MYT1L: variants seen among roughly 807,000 people sequenced by gnomAD.
The protein encoded by MYT1L is myelin transcription factor 1-like protein.
Under a neutral mutation model 126.7 loss-of-function variants are expected in MYT1L, and 12 were observed. The ratio of observed to expected loss-of-function variants is 0.09; its 90% CI spans 0.06 to 0.15. The LOEUF (loss-of-function observed/expected upper bound fraction) is 0.15, where lower values mean the gene tolerates loss of function less well. MYT1L is among the 10% of genes least tolerant of loss of function. The probability of loss-of-function intolerance (pLI) is 1.00; values close to 1 mark genes in which losing one functional copy is unlikely to be tolerated. For synonymous variants in MYT1L, 541 were observed against 604.2 expected, an observed-to-expected ratio of 0.90 and a Z score of 1.53; for missense variants, 979 against 1,585.2, an observed-to-expected ratio of 0.62 and a Z score of 6.49.
Position 1,889,541 on chromosome 2 carries a change from C to T in MYT1L, c.2284-64G>A. The T allele has an allele frequency of 7.6e-7, 1 of 1,320,706 alleles. No homozygotes were observed. Among genetic ancestry groups the T allele is most frequent in the Non-Finnish European group, 1.0e-6 (1 of 956,008 alleles). The allele number at this position is 1,320,706 out of a possible 1,614,324, so 81.8% of individuals were successfully genotyped here. A position where few individuals can be genotyped will look rare whatever the true frequency, so the allele number is the denominator to read the frequency against. On this transcript the variant is annotated intron_variant, in intron 15 of 24. Transcript: ENST00000647738. This position sits in a 1 kb window ranked among gnomAD's most constrained non-coding sequence, Gnocchi z 4.1. ...CATCTTGTGACACCACGAGTCCTTCCTCCCAGATTACAGTCCTGCCGTCAG... is the reference window on the plus strand; with the variant it reads ...CATCTTGTGACACCACGAGTCCTTCTTCCCAGATTACAGTCCTGCCGTCAG...
At chr2:2,324,464 G>C (rs889762396) in intron 1 of MYT1L, 4 of 152,692 alleles carry the variant, frequency 2.6e-5, no homozygotes, top group South Asian at 2.1e-4. Flanking sequence ...CCAGGCAAGG[G>C]GCCACTTCTC....
intron 2 of MYT1L, among the ~76,000 whole-genome samples, chr2:2,238,510 C>T (rs891463889): frequency 9.2e-5 from 14 of 152,124 alleles, no homozygotes; most frequent in East Asian, 1.9e-4. Context: ...GATTGTCGTT[C>T]GTCACTTGTT....
chr2:2,306,047 G>C, intron 1 of MYT1L: 1 of 152,198 alleles, frequency 6.6e-6, no homozygotes, highest in African/African-American at 2.4e-5. Context: ...TGACATTTCT[G>C]ATCCTGGAAC....
intron 1 of MYT1L, among the ~76,000 whole-genome samples, chr2:2,318,093 T>C (rs1361474052): frequency 6.6e-6 from 1 of 152,348 alleles, no homozygotes; most frequent in Non-Finnish European, 1.5e-5. Context: ...ACTTCAGTTA[T>C]GCCTTTGAGG....
intron 3 of MYT1L, among the ~76,000 whole-genome samples, chr2:2,165,679 C>G (rs1361180483): frequency 6.6e-6 from 1 of 152,030 alleles, no homozygotes; most frequent in Non-Finnish European, 1.5e-5. Flanking sequence ...TCCACAATTG[C>G]TGCTGTTTTC....
intron 23 of MYT1L, among the ~76,000 whole-genome samples, chr2:1,798,399 C>T (rs977195515): frequency 1.3e-5 from 2 of 152,216 alleles, no homozygotes; most frequent in African/African-American, 2.4e-5. Context: ...CCCTCATCAC[C>T]GGGCTGTAGG....
chr2:1,873,216 C>G (rs888892213), intron 18 of MYT1L, among the ~76,000 whole-genome samples: 18 of 152,158 alleles, frequency 1.2e-4, no homozygotes, highest in African/African-American at 4.3e-4. Context: ...AATATTCAGA[C>G]TATATTTTAA....
intron 3 of MYT1L, among the ~76,000 whole-genome samples, chr2:2,125,422 A>G (rs1431474510): frequency 6.6e-6 from 1 of 152,228 alleles, no homozygotes; most frequent in Non-Finnish European, 1.5e-5. Context: ...CAATATGATG[A>G]TTTGACTCCC....
At chr2:2,121,233 G>A (rs150693753) in intron 3 of MYT1L, among the ~76,000 whole-genome samples, 336 of 152,330 alleles carry the variant, frequency 2.2e-3, no homozygotes, top group African/African-American at 7.6e-3. Flanking sequence ...GTGCAACGGC[G>A]CGGTCTCGGC....
chr2:1,890,005 T>G (rs2048652352), intron 15 of MYT1L, among the ~76,000 whole-genome samples: 1 of 151,914 alleles, frequency 6.6e-6, no homozygotes, highest in Admixed American at 6.6e-5. Context: ...GGGAGGAGGA[T>G]AACAAAAGAA....
intron 4 of MYT1L, among the ~76,000 whole-genome samples, chr2:2,007,035 T>C (rs1047640376): frequency 6.6e-6 from 1 of 151,128 alleles, no homozygotes; most frequent in African/African-American, 2.5e-5. Flanking sequence ...TGAATAATAT[T>C]TCATTGAAGA....
intron 2 of MYT1L, among the ~76,000 whole-genome samples, chr2:2,264,560 G>GCAGAGCAGAA (rs1559496222): frequency 1.3e-5 from 2 of 152,136 alleles, no homozygotes; most frequent in Non-Finnish European, 1.5e-5. Context: ...CTAATTCTGC[G>GCAGAGCAGAA]GGGTTGGCTT....
intron 2 of MYT1L, among the ~76,000 whole-genome samples, chr2:2,236,081 A>G (rs1260528713): frequency 8.6e-5 from 13 of 151,254 alleles, no homozygotes; most frequent in African/African-American, 3.2e-4. Context: ...TCCCAACCCA[A>G]CCCAGTATGT....
chr2:1,847,985 T>G (rs2042724690), intron 19 of MYT1L, among the ~76,000 whole-genome samples: 1 of 152,196 alleles, frequency 6.6e-6, no homozygotes, highest in South Asian at 2.1e-4. Flanking sequence ...CTCATGGGGC[T>G]GCCAGGAGGT....
At chr2:2,187,220 C>G (rs6705656) in intron 2 of MYT1L, among the ~76,000 whole-genome samples, 34,327 of 151,834 alleles carry the variant, frequency 0.23, 4,753 homozygotes, top group African/African-American at 0.4. Context: ...TTCCCCCAGC[C>G]ATCAGCTCTG....
chr2:2,053,848 CAAAT>C (rs2069140047), intron 4 of MYT1L, 126 bp downstream of exon 4: 1 of 152,596 alleles, frequency 6.6e-6, no homozygotes, highest in African/African-American at 2.4e-5. Flanking sequence ...TATTCTTTAT[CAAAT>C]AAAATGCTGC....
intron 2 of MYT1L, among the ~76,000 whole-genome samples, chr2:2,186,754 A>G (rs1290416917): frequency 6.6e-6 from 1 of 152,236 alleles, no homozygotes; most frequent in Admixed American, 6.5e-5. Context: ...TTGTTATAAA[A>G]TTCTACAACG....
chr2:1,890,389 T>C (rs956021903), intron 15 of MYT1L, among the ~76,000 whole-genome samples: 3 of 152,102 alleles, frequency 2.0e-5, no homozygotes, highest in Admixed American at 1.3e-4. Flanking sequence ...AGAACTTTTA[T>C]AATGAAGATA....
Position 1,887,676 on chromosome 2 carries a change from T to G in MYT1L, c.2521-67A>C. On this transcript the variant is annotated intron_variant, in intron 16 of 24. Coordinates refer to ENST00000647738, the MANE Select transcript of MYT1L (RefSeq NM_001303052.2). The surrounding 1 kb of genome is among the most constrained non-coding windows in gnomAD (Gnocchi z 4.8). ...ATGGCACACAGACTGAGGGAGGTGG[T>G]TCGTGGCTCTGGGGTGGCCTCTACA... is the stretch of plus-strand genomic sequence containing the variant. The G allele has an allele frequency of 6.2e-7, 1 of 1,607,548 alleles. No individual in the cohort carries two copies. Among genetic ancestry groups the G allele is most frequent in the Non-Finnish European group, 8.5e-7 (1 of 1,175,372 alleles).
Sources: gnomAD v4.1 joint callset for allele counts (sites outside exome capture counted in the v4.1 genomes callset) on GRCh38, gnomAD v4.1.1 for gene constraint, Gnocchi (gnomAD v3.1) non-coding constraint, MANE v1.5 for transcripts, NCBI Gene and HGNC (gene_info 2026-07-23, HGNC 2026-07-21) for gene names.